The following DCDC1 variants were observed in gnomAD, a reference collection of about 807,000 sequenced individuals.
The protein encoded by DCDC1 is doublecortin domain containing 1.
A neutral mutation model predicts 178.3 loss-of-function variants in DCDC1; 200 were observed. The observed-to-expected ratio is 1.12, with a 90% CI of 1.00 to 1.26. The LOEUF (loss-of-function observed/expected upper bound fraction) is 1.26. Ranked by LOEUF, DCDC1 falls within the 50% of genes most tolerant of loss-of-function variation. The pLI, the probability that DCDC1 is intolerant of heterozygous loss-of-function variation, is 0.00. For missense variants in DCDC1, 1,983 were observed against 1,749.2 expected, an observed-to-expected ratio of 1.13 and a Z score of -2.38; for synonymous variants, 690 against 604.8, an observed-to-expected ratio of 1.14 and a Z score of -2.07.
At chr11:30,965,602 T>A (rs1478783379) in intron 20 of DCDC1, among the ~76,000 whole-genome samples, 9 of 108,072 alleles carry the variant, frequency 8.3e-5, no homozygotes, top group African/African-American at 3.1e-5. Flanking sequence ...TTTGTTTTTT[T>A]AATTTTTTTT....
chr11:31,062,899 A>G lies in DCDC1; in HGVS notation c.2591+1570T>C, dbSNP rs1267058334. Among the ~76,000 whole-genome samples, 4 of 148,502 alleles carry G rather than the reference A, an allele frequency of 2.7e-5. No homozygotes were observed. In the East Asian group the frequency reaches 8.1e-4, roughly 30 times the overall value. On this transcript the variant is annotated intron_variant, in intron 20 of 38. Transcript: ENST00000684477. ...CCATGTTGGTGTGCTGCACCCATTA[A>G]CTCGTCATTTAGCATTAGGTATATC...
intron 9 of DCDC1, among the ~76,000 whole-genome samples, chr11:31,148,472 C>G (rs1210336922): frequency 6.6e-6 from 1 of 151,902 alleles, no homozygotes; most frequent in Non-Finnish European, 1.5e-5. Context: ...CCACTGCACT[C>G]TAGCCTGGAC....
chr11:31,081,441 C>A (rs968202452), intron 17 of DCDC1, among the ~76,000 whole-genome samples: 3 of 151,972 alleles, frequency 2.0e-5, no homozygotes, highest in African/African-American at 7.2e-5. Context: ...AACCTCGTCT[C>A]TACTAAAAAT....
At chr11:30,895,882 A>G (rs1342550864) in intron 34 of DCDC1, among the ~76,000 whole-genome samples, 1 of 152,204 alleles carries the variant, frequency 6.6e-6, no homozygotes, top group African/African-American at 2.4e-5. Context: ...TTTATAAATA[A>G]CATTTCAACA....
chr11:31,297,073 G>A (rs977089195), intron 6 of DCDC1, among the ~76,000 whole-genome samples: 1 of 152,178 alleles, frequency 6.6e-6, no homozygotes, highest in African/African-American at 2.4e-5. Context: ...TGGTTCGAGG[G>A]CTGACAGCCA....
chr11:30,895,788 C>G (rs1334784314), intron 34 of DCDC1, among the ~76,000 whole-genome samples: 1 of 152,098 alleles, frequency 6.6e-6, no homozygotes, highest in Admixed American at 6.5e-5. Context: ...CTCACAAATA[C>G]GTAACACAAA....
intron 20 of DCDC1, among the ~76,000 whole-genome samples, chr11:30,991,574 C>T (rs1389226143): frequency 6.6e-6 from 1 of 152,166 alleles, no homozygotes. Flanking sequence ...GCACCACCGA[C>T]GTCACTAGGT....
At chr11:31,000,730 T>TA (rs1017912307) in intron 20 of DCDC1, among the ~76,000 whole-genome samples, 18 of 147,880 alleles carry the variant, frequency 1.2e-4, no homozygotes, top group South Asian at 4.3e-4. Context: ...ATACTATGTT[T>TA]AAAAAAAAAA....
intron 20 of DCDC1, among the ~76,000 whole-genome samples, chr11:31,010,228 C>T (rs1288786898): frequency 1.3e-5 from 2 of 152,228 alleles, no homozygotes; most frequent in African/African-American, 4.8e-5. Flanking sequence ...CACAGCCTGG[C>T]TGTCTTCTTG....
chr11:31,344,507 A>G (rs1413323412), intron 1 of DCDC1, among the ~76,000 whole-genome samples: 6 of 152,178 alleles, frequency 3.9e-5, no homozygotes, highest in Non-Finnish European at 2.9e-5. Flanking sequence ...AAGCTGTGTC[A>G]CTTTGGACAA....
intron 10 of DCDC1, 77 bp downstream of exon 10, chr11:31,137,615 G>A (rs553557849): frequency 1.7e-5 from 11 of 641,678 alleles, no homozygotes; most frequent in African/African-American, 3.7e-5. Context: ...CCCAAAGTGC[G>A]GGGATTACAG....
At chr11:30,946,412 T>A (rs2134434601) in intron 21 of DCDC1, among the ~76,000 whole-genome samples, 1 of 152,314 alleles carries the variant, frequency 6.6e-6, no homozygotes, top group Non-Finnish European at 1.5e-5. Flanking sequence ...TCAAACATAT[T>A]AATTCATCCA....
chr11:30,998,996 T>C (rs1054687454), intron 20 of DCDC1, among the ~76,000 whole-genome samples: 1 of 152,194 alleles, frequency 6.6e-6, no homozygotes, highest in East Asian at 1.9e-4. Context: ...TGTGGTATTT[T>C]CCTCCAAAAT....
intron 20 of DCDC1, among the ~76,000 whole-genome samples, chr11:31,061,996 C>CAA (rs1955948388): frequency 6.6e-6 from 1 of 152,012 alleles, no homozygotes. Context: ...ATGCAAAAGC[C>CAA]AAATCCCTAA....
intron 20 of DCDC1, among the ~76,000 whole-genome samples, chr11:31,016,571 A>C (rs1183818545): frequency 1.3e-5 from 2 of 152,176 alleles, no homozygotes; most frequent in Non-Finnish European, 2.9e-5. Context: ...GGCATCAAAG[A>C]AGGTTCAAAT....
intron 8 of DCDC1, among the ~76,000 whole-genome samples, chr11:31,252,227 A>T (rs970689326): frequency 6.6e-6 from 1 of 152,150 alleles, no homozygotes. Context: ...TGGACAAGGT[A>T]AAGTTGGAAT....
intron 20 of DCDC1, among the ~76,000 whole-genome samples, chr11:31,034,110 C>CTCCAGTCTG (rs1202558883): frequency 4.8e-5 from 7 of 147,172 alleles, no homozygotes; most frequent in Non-Finnish European, 3.0e-5. Flanking sequence ...TGCCACTGCA[C>CTCCAGTCTG]TCCAGTCTGG....
intron 21 of DCDC1, among the ~76,000 whole-genome samples, chr11:30,938,518 G>T (rs545201854): frequency 3.2e-4 from 49 of 152,022 alleles, no homozygotes; most frequent in Non-Finnish European, 5.6e-4. Context: ...TTCTCTTTCT[G>T]ATTTCCTTTC....
intron 9 of DCDC1, among the ~76,000 whole-genome samples, chr11:31,195,436 C>G (rs1037428927): frequency 6.6e-6 from 1 of 152,048 alleles, no homozygotes; most frequent in African/African-American, 2.4e-5. Context: ...TTGATAGTAG[C>G]TCCTCTTCCA....
Sources: gnomAD v4.1 joint callset for allele counts (sites outside exome capture counted in the v4.1 genomes callset) on GRCh38, gnomAD v4.1.1 for gene constraint, MANE v1.5 for transcripts, NCBI Gene and HGNC (gene_info 2026-07-23, HGNC 2026-07-21) for gene names.